The following TTLL2 variants were observed in gnomAD, a reference collection of about 807,000 sequenced individuals.
The protein encoded by TTLL2 is probable tubulin polyglutamylase TTLL2.
TTLL2 carries 10 observed loss-of-function variants against 7.5 expected under a neutral mutation model. The observed-to-expected ratio is 1.33, with a 90% CI of 0.82 to 2.25. TTLL2 has a LOEUF of 2.25. TTLL2 is among the 30% of genes most tolerant of loss of function. The pLI is 0.00. For missense variants in TTLL2, 733 were observed against 735.7 expected (o/e 1.00, Z 0.04); for synonymous variants, 284 against 280.3 (o/e 1.01, Z -0.13).
At chr6:167,326,379 G>A (rs867630370) in intron 1 of TTLL2, among the ~76,000 whole-genome samples, 2 of 151,850 alleles carry the variant, frequency 1.3e-5, no homozygotes, top group African/African-American at 4.8e-5. Context: ...CTCAAAAAAC[G>A]GGACTGTCTC....
At chr6:167,326,530 G>A (rs1778849391) in intron 1 of TTLL2, among the ~76,000 whole-genome samples, 1 of 152,046 alleles carries the variant, frequency 6.6e-6, no homozygotes, top group African/African-American at 2.4e-5. Flanking sequence ...CTCCACAAAT[G>A]GCTTCAATGA....
At chr6:167,334,427 T>C (rs536060040) in intron 1 of TTLL2, among the ~76,000 whole-genome samples, 42 of 151,622 alleles carry the variant, frequency 2.8e-4, no homozygotes, top group African/African-American at 9.5e-4. Context: ...TCTGTTGATT[T>C]GGGGTGGAGA....
chr6:167,332,522 C>T (rs929122232), intron 1 of TTLL2, among the ~76,000 whole-genome samples: 4 of 151,466 alleles, frequency 2.6e-5, no homozygotes, highest in African/African-American at 4.9e-5. Context: ...ATCTATAAAT[C>T]ACCTTGGGCA....
At chr6:167,335,999 AG>A (rs1778979845) in intron 1 of TTLL2, among the ~76,000 whole-genome samples, 1 of 145,056 alleles carries the variant, frequency 6.9e-6, no homozygotes, top group Non-Finnish European at 1.5e-5. Flanking sequence ...AAAAAAAAAA[AG>A]AAATTCAATT....
chr6:167,327,650 G>A (rs1778862973), intron 1 of TTLL2, among the ~76,000 whole-genome samples: 1 of 152,136 alleles, frequency 6.6e-6, no homozygotes, highest in African/African-American at 2.4e-5. Flanking sequence ...TTACGGCTTG[G>A]CTACAGGGGT....
intron 1 of TTLL2, 85 bp from the exon 2 acceptor site, chr6:167,338,562 T>C (rs1368426966): frequency 4.8e-6 from 7 of 1,467,244 alleles, no homozygotes; most frequent in Non-Finnish European, 6.4e-6. Flanking sequence ...CCATGATGGA[T>C]TGATCAATTC....
chr6:167,331,330 G>A (rs1778917936), intron 1 of TTLL2, among the ~76,000 whole-genome samples: 1 of 152,126 alleles, frequency 6.6e-6, no homozygotes, highest in African/African-American at 2.4e-5. Flanking sequence ...TCACTCTGCA[G>A]TGGCATAGAA....
intron 1 of TTLL2, among the ~76,000 whole-genome samples, chr6:167,325,652 C>T (rs183533379): frequency 4.6e-5 from 7 of 152,196 alleles, no homozygotes; most frequent in East Asian, 1.9e-4. Flanking sequence ...GGTTATGAGA[C>T]GGAACTGGAT....
intron 1 of TTLL2, among the ~76,000 whole-genome samples, chr6:167,335,128 AAAAC>A (rs1778969341): frequency 9.6e-6 from 1 of 103,970 alleles, no homozygotes; most frequent in Non-Finnish European, 1.8e-5. Flanking sequence ...TTACAAGAAA[AAAAC>A]AAACAACCCT....
In TTLL2 at chr6:167,341,335, C is replaced by G. The variant is rs145916962; in HGVS notation, c.1435C>G (p.Arg479Gly). The change falls in exon 3 of 3, where the codon CGT becomes GGT. Residue 479 changes from arginine (R) to glycine (G), a missense_variant. Transcript: ENST00000239587. ...TGTGGTGGAGAAAGCTGTGAGTGTG[C>G]GTCCTGAAGCTGCACCTGCCTCCCA... The part of the protein sequence containing the change: ...DSVVEKAVSV[R>G]PEAAPASQLE... 1.4e-5 allele frequency: 23 copies of G among 1,613,600 alleles called. No homozygotes were observed. Among genetic ancestry groups the G allele is most frequent in the African/African-American group, 4.0e-5 (3 of 74,730 alleles).
At chr6:167,338,462 C>CAT (rs1779022354) in intron 1 of TTLL2, among the ~76,000 whole-genome samples, 185 bp from the exon 2 acceptor site, 1 of 145,880 alleles carries the variant, frequency 6.9e-6, no homozygotes, top group African/African-American at 2.7e-5. Context: ...TAGTCACACA[C>CAT]ACACACACAC....
rs199616977 is a variant in TTLL2 at position 167,340,912 on chromosome 6, G to A, written c.1012G>A (p.Asp338Asn). Residue 338 changes from aspartate to asparagine, a missense_variant, in exon 3 of 3, where the codon GAT becomes AAT. Coordinates refer to ENST00000239587, the MANE Select transcript of TTLL2 (RefSeq NM_031949.5). ...CTACCTTCGTAGCTGGGATGTGGACGATCTGCTTTTGTGGAAGAAAATCCA... is the reference window on the plus strand; with the variant it reads ...CTACCTTCGTAGCTGGGATGTGGACAATCTGCTTTTGTGGAAGAAAATCCA... Reference protein sequence around the residue: ...FSYLRSWDVDDLLLWKKIHRM... With the variant: ...FSYLRSWDVDNLLLWKKIHRM... 59 of 1,614,000 alleles carry A rather than the reference G, an allele frequency of 3.7e-5. No homozygotes were observed. Among genetic ancestry groups the A allele is most frequent in the Non-Finnish European group, 4.6e-5 (54 of 1,180,032 alleles).
Position 167,340,926 on chromosome 6 carries a change from GA to G in TTLL2, c.1028del (p.Lys343ArgfsTer33). The G allele has an allele frequency of 6.2e-7, 1 of 1,614,060 alleles. No homozygotes were observed. Among genetic ancestry groups the G allele is most frequent in the Non-Finnish European group, 8.5e-7 (1 of 1,180,024 alleles). Reference protein sequence around the residue: ...SWDVDDLLLWKKIHRMVILTI... With the variant: ...SWDVDDLLLWXKIHRMVILTI... ...GGGATGTGGACGATCTGCTTTTGTG[GA>G]AGAAAATCCACCGCATGGTTATTCT... is the stretch of plus-strand genomic sequence containing the variant. On this transcript the variant is annotated frameshift_variant, in exon 3 of 3. Coordinates refer to ENST00000239587, the MANE Select transcript of TTLL2 (RefSeq NM_031949.5). LOFTEE classifies it low-confidence loss of function (END_TRUNC).
Position 167,340,198 on chromosome 6 carries a change from C to T in TTLL2, c.298C>T (p.Gln100Ter). ...RVDETTPAVV[Q>*]SVLLERGWNK... ...TGACGAGACCACCCCGGCTGTGGTG[C>T]AAAGCGTCCTCCTGGAGAGGGGGTG... The change falls in exon 3 of 3, where the codon CAA (glutamine) becomes TAA (stop). Residue 100 changes from glutamine (Q) to a stop codon, truncating the protein, a stop_gained. Transcript: ENST00000239587. LOFTEE classifies it low-confidence loss of function (END_TRUNC). 1 of 1,613,966 alleles carries T rather than the reference C, an allele frequency of 6.2e-7. No homozygotes were observed. Among genetic ancestry groups the T allele is most frequent in the South Asian group, 1.1e-5 (1 of 91,028 alleles).
intron 1 of TTLL2, among the ~76,000 whole-genome samples, chr6:167,335,777 C>T (rs1280383253): frequency 7.1e-6 from 1 of 140,884 alleles, no homozygotes; most frequent in Non-Finnish European, 1.5e-5. Context: ...ACATTGAGAT[C>T]ACATGGACAC....
intron 1 of TTLL2, among the ~76,000 whole-genome samples, chr6:167,325,537 G>A (rs1392621089): frequency 6.6e-6 from 1 of 152,202 alleles, no homozygotes; most frequent in Non-Finnish European, 1.5e-5. Context: ...CAAAGGAGGG[G>A]AGTGTAAGTT....
At chr6:167,328,231 G>A (rs1778872106) in intron 1 of TTLL2, 1 of 428,798 alleles carries the variant, frequency 2.3e-6, no homozygotes, top group Non-Finnish European at 4.7e-6. Context: ...GTCCCTGGGA[G>A]CCGCTCTCTC....
chr6:167,340,940 G>T lies in TTLL2; in HGVS notation c.1040G>T (p.Arg347Leu), dbSNP rs556516360. 4.9e-5 allele frequency: 79 copies of T among 1,613,946 alleles called. No homozygotes were observed. The highest frequency in any genetic ancestry group is 6.5e-5 in the Non-Finnish European group (77 of 1,180,028). Residue 347 changes from arginine (R) to leucine (L), a missense_variant, in exon 3 of 3, where the codon CGC becomes CTC. Arg to Leu is a moderately radical substitution (Grantham distance 102). Coordinates refer to ENST00000239587, the MANE Select transcript of TTLL2 (RefSeq NM_031949.5). ...DDLLLWKKIH[R>L]MVILTILAIA... ...CTGCTTTTGTGGAAGAAAATCCACC[G>T]CATGGTTATTCTCACCATTCTCGCC...
Position 167,341,628 on chromosome 6 carries a change from C to T in TTLL2, c.1728C>T (p.Val576=). Reference sequence around the variant, plus strand: ...GAGCTTCCAGGAATGGATTAAATGTCAAAAGAATAATCCAAGAGCTCCAGA... The same window carrying T: ...GAGCTTCCAGGAATGGATTAAATGTTAAAAGAATAATCCAAGAGCTCCAGA... ...TLGASRNGLN[V]KRIIQELQKL... The change falls in exon 3 of 3, where the codon GTC becomes GTT. Residue 576 remains valine (V), a synonymous_variant. Transcript: ENST00000239587. The T allele has an allele frequency of 6.2e-7, 1 of 1,613,804 alleles. No homozygotes were observed. Among genetic ancestry groups the T allele is most frequent in the Non-Finnish European group, 8.5e-7 (1 of 1,179,910 alleles).
Sources: allele counts gnomAD v4.1 joint callset (sites outside exome capture counted in the v4.1 genomes callset), GRCh38; gene constraint gnomAD v4.1.1; transcripts MANE v1.5; gene names NCBI Gene and HGNC (gene_info 2026-07-23, HGNC 2026-07-21).